The following OTUD7A variants were observed in gnomAD, a reference collection of about 807,000 sequenced individuals.
OTUD7A encodes OTU deubiquitinase 7A.
Under a neutral mutation model 65.7 loss-of-function variants are expected in OTUD7A, and 12 were observed. The observed-to-expected ratio is 0.18, with a 90% CI of 0.12 to 0.30. The LOEUF (loss-of-function observed/expected upper bound fraction) is 0.30, where lower values mean the gene tolerates loss of function less well. OTUD7A is among the 10% of genes least tolerant of loss of function. The probability of loss-of-function intolerance (pLI) is 1.00; values close to 1 mark genes in which losing one functional copy is unlikely to be tolerated. For synonymous variants in OTUD7A, 641 were observed against 586.3 expected (o/e 1.09, Z -1.35); for missense variants, 1,148 against 1,304.8 (o/e 0.88, Z 1.85).
intron 1 of OTUD7A, among the ~76,000 whole-genome samples, chr15:31,664,264 GCTGCACT>G (rs767795870): frequency 7.9e-5 from 11 of 139,224 alleles, no homozygotes; most frequent in Non-Finnish European, 1.5e-4. Context: ...TTCCATAGTG[GCTGCACT>G]AGTTTACATT....
rs118089948 is a variant in OTUD7A, at chr15:31,844,217, G to A, written c.-100+26290C>T. On this transcript the variant is annotated intron_variant, in intron 1 of 12. Transcript: ENST00000307050. ...ATGACAGAAAAGAGAATCAAGAATCGCACACTGCGCTGGGTGCGGTGGCTC... is the reference window on the plus strand; with the variant it reads ...ATGACAGAAAAGAGAATCAAGAATCACACACTGCGCTGGGTGCGGTGGCTC... 3.2e-3 allele frequency among the ~76,000 whole-genome samples: 479 copies of A among 151,686 alleles called. 15 individuals carry two copies. In the East Asian group the frequency reaches 0.079, roughly 25 times the overall value.
Position 31,479,429 on chromosome 15 carries a change from G to A in OTUD7A, c.*3865C>T, listed in dbSNP as rs1301732810. On this transcript the variant is annotated 3_prime_UTR_variant, in exon 13 of 13. Coordinates refer to ENST00000307050, the MANE Select transcript of OTUD7A (RefSeq NM_001382637.1). ...AAAAAAATCATGGCCATAAAGAAAG[G>A]AGCCCCAAACATACAGTAGATGCCT... is the stretch of plus-strand genomic sequence containing the variant. 6.6e-6 allele frequency: 1 copy of A among 152,098 alleles called. No homozygotes were observed. The highest frequency in any genetic ancestry group is 1.5e-5 in the Non-Finnish European group (1 of 68,016). The allele number at this position is 152,098 out of a possible 1,614,324, so 9.4% of individuals were successfully genotyped here. A position where few individuals can be genotyped will look rare whatever the true frequency, so the allele number is the denominator to read the frequency against.
chr15:31,832,375 C>T (rs76808693), intron 1 of OTUD7A, among the ~76,000 whole-genome samples: 1,884 of 152,196 alleles, frequency 0.012, 27 homozygotes, highest in Non-Finnish European at 0.02. Context: ...AACATTTACA[C>T]GGGCACAGGA....
At chr15:31,715,109 G>A (rs1893549242) in intron 1 of OTUD7A, among the ~76,000 whole-genome samples, 1 of 151,780 alleles carries the variant, frequency 6.6e-6, no homozygotes, top group African/African-American at 2.4e-5. Context: ...ACTCCAGACT[G>A]GGCAACAGTG....
chr15:31,673,417 G>A (rs1892528802), intron 1 of OTUD7A, among the ~76,000 whole-genome samples: 1 of 152,184 alleles, frequency 6.6e-6, no homozygotes, highest in Non-Finnish European at 1.5e-5. Flanking sequence ...ACAGTGTAAT[G>A]TGCCCACACC....
intron 1 of OTUD7A, among the ~76,000 whole-genome samples, chr15:31,753,914 A>G (rs868826030): frequency 2.0e-5 from 3 of 151,600 alleles, no homozygotes; most frequent in African/African-American, 7.2e-5. Flanking sequence ...TGGTAGTTCT[A>G]CTTTTAGTTC....
chr15:31,804,503 A>T (rs754421700), intron 1 of OTUD7A, among the ~76,000 whole-genome samples: 3 of 152,114 alleles, frequency 2.0e-5, no homozygotes, highest in African/African-American at 4.8e-5. Flanking sequence ...TCCTCCATGG[A>T]GACCTCAGGA....
intron 4 of OTUD7A, among the ~76,000 whole-genome samples, chr15:31,561,768 T>TCA (rs1041216810): frequency 5.6e-5 from 8 of 143,404 alleles, no homozygotes; most frequent in Non-Finnish European, 1.2e-4. Flanking sequence ...ATCATCTCTC[T>TCA]CACACACACA....
intron 3 of OTUD7A, among the ~76,000 whole-genome samples, chr15:31,586,192 C>G (rs1053975156): frequency 8.5e-5 from 13 of 152,170 alleles, no homozygotes; most frequent in Admixed American, 5.9e-4. Flanking sequence ...AAGGGAAATG[C>G]AGGCAGAACA....
At chr15:31,634,766 A>T (rs1240047932) in intron 3 of OTUD7A, among the ~76,000 whole-genome samples, 1 of 152,090 alleles carries the variant, frequency 6.6e-6, no homozygotes, top group Admixed American at 6.6e-5. Context: ...CCACACAGAA[A>T]CCGCCCAAGG....
chr15:31,682,651 A>G (rs1892744984), intron 1 of OTUD7A, among the ~76,000 whole-genome samples: 1 of 152,264 alleles, frequency 6.6e-6, no homozygotes, highest in Non-Finnish European at 1.5e-5. Flanking sequence ...GGACTTCAGT[A>G]AAGTAAACTC....
chr15:31,693,892 C>T (rs1432986731), intron 1 of OTUD7A, among the ~76,000 whole-genome samples: 5 of 152,224 alleles, frequency 3.3e-5, no homozygotes, highest in Non-Finnish European at 5.9e-5. Flanking sequence ...CACCACGGGA[C>T]TTGGGCTGTT....
At position 31,483,972 on chromosome 15, in the gene OTUD7A, C is replaced by A; in HGVS notation, c.2124G>T (p.Glu708Asp). The change falls in exon 13 of 13, where the codon GAG (glutamate) becomes GAT (aspartate). Residue 708 changes from glutamate (E) to aspartate (D), a missense_variant. Physicochemically the swap from Glu to Asp is conservative, Grantham distance 45. Around this residue, in one of 6 missense-constraint regions of OTUD7A, gnomAD observed 842 missense variants for 769.5 expected, o/e 1.09. Transcript: ENST00000307050. Reference protein sequence around the residue: ...AKRPPRRPETEGVPVPERASP... With the variant: ...AKRPPRRPETDGVPVPERASP... ...AGGCGCGCTCCGGGACCGGCACGCC[C>A]TCCGTCTCCGGTCTGCGCGGCGGCC... 3 of 1,143,422 alleles carry A rather than the reference C, an allele frequency of 2.6e-6. No homozygotes were observed. The highest frequency in any genetic ancestry group is 2.2e-6 in the Non-Finnish European group (2 of 924,892). 70.8% of individuals were successfully genotyped at this position (1,143,422 alleles called of 1,614,324 possible). A position where few individuals can be genotyped will look rare whatever the true frequency, so the allele number is the denominator to read the frequency against.
intron 7 of OTUD7A, 122 bp downstream of exon 7, chr15:31,527,059 C>G: frequency 1.4e-6 from 2 of 1,392,528 alleles, no homozygotes; most frequent in Admixed American, 4.4e-5. Flanking sequence ...ATCCCAGGGG[C>G]TGTTTCTGCC....
At position 31,656,329 on chromosome 15, in the gene OTUD7A, G is replaced by A. The variant is rs1891990975; in HGVS notation, c.-5+654C>T. Reference sequence around the variant, plus strand: ...TGCATCCTTGTGTTTGTGTAGATAAGAGGTCTGCAAGTTATAGACCATGGG... The same window carrying A: ...TGCATCCTTGTGTTTGTGTAGATAAAAGGTCTGCAAGTTATAGACCATGGG... On this transcript the variant is annotated intron_variant, in intron 2 of 12. Transcript: ENST00000307050. Among the ~76,000 whole-genome samples, 3 of 152,026 alleles carry A rather than the reference G, an allele frequency of 2.0e-5. No individual in the cohort carries two copies. In the South Asian group the frequency reaches 6.2e-4, roughly 31 times the overall value.
chr15:31,765,624 A>G (rs1895076056), intron 1 of OTUD7A: 10 of 615,202 alleles, frequency 1.6e-5, no homozygotes, highest in Admixed American at 1.6e-4. Flanking sequence ...GCACTACCTT[A>G]CATAATGTGT....
At chr15:31,758,874 A>G (rs941831186) in intron 1 of OTUD7A, among the ~76,000 whole-genome samples, 4 of 152,214 alleles carry the variant, frequency 2.6e-5, no homozygotes, top group Non-Finnish European at 5.9e-5. Flanking sequence ...GTCCTGATTT[A>G]GCCTGGGCTT....
At chr15:31,739,171 C>T (rs1166529674) in intron 1 of OTUD7A, among the ~76,000 whole-genome samples, 1 of 152,162 alleles carries the variant, frequency 6.6e-6, no homozygotes, top group Non-Finnish European at 1.5e-5. Context: ...ACTTTGGAAA[C>T]CACTCAAAAC....
chr15:31,519,118 C>CTGTGTGTG (rs56265620), intron 8 of OTUD7A, among the ~76,000 whole-genome samples: 10 of 151,038 alleles, frequency 6.6e-5, no homozygotes, highest in African/African-American at 2.2e-4. Context: ...TAGCACTGTG[C>CTGTGTGTG]TGTGTGTGTG....
Sources: gnomAD v4.1 joint callset for allele counts (sites outside exome capture counted in the v4.1 genomes callset) on GRCh38, gnomAD v4.1.1 for gene constraint, gnomAD v4.1.1 regional missense constraint, MANE v1.5 for transcripts, NCBI Gene and HGNC (gene_info 2026-07-23, HGNC 2026-07-21) for gene names.